Variants in CSMD1 observed in about 807,000 individuals in gnomAD.
CSMD1 encodes the protein CUB and sushi domain-containing protein 1.
Under a neutral mutation model 417.5 loss-of-function variants are expected in CSMD1, and 213 were observed. The ratio of observed to expected loss-of-function variants is 0.51; its 90% CI spans 0.46 to 0.57. CSMD1 has a LOEUF of 0.57. CSMD1 is among the 20% of genes least tolerant of loss of function. The pLI, the probability that CSMD1 is intolerant of heterozygous loss-of-function variation, is 0.00. For synonymous variants in CSMD1, 2,862 were observed against 1,736.8 expected, an observed-to-expected ratio of 1.65 and a Z score of -16.11; for missense variants, 6,923 against 4,529.7, an observed-to-expected ratio of 1.53 and a Z score of -15.17.
chr8:3,953,398 C>T (rs966870163), intron 5 of CSMD1, among the ~76,000 whole-genome samples: 1 of 152,052 alleles, frequency 6.6e-6, no homozygotes, highest in Non-Finnish European at 1.5e-5. Context: ...CTTAGATATT[C>T]ATGTGTAATG....
chr8:3,775,220 C>A (rs76720866), intron 5 of CSMD1, among the ~76,000 whole-genome samples: 4,713 of 152,192 alleles, frequency 0.031, 111 homozygotes, highest in Middle Eastern at 0.054. Flanking sequence ...TTAGATAAAA[C>A]TTTGCAAAAC....
At chr8:3,393,800 G>A (rs1811495098) in intron 17 of CSMD1, among the ~76,000 whole-genome samples, 1 of 151,200 alleles carries the variant, frequency 6.6e-6, no homozygotes, top group Admixed American at 6.6e-5. Context: ...GAGAACACAT[G>A]GACACAGGAA....
At chr8:4,755,712 C>G (rs140857757) in intron 1 of CSMD1, among the ~76,000 whole-genome samples, 1 of 152,192 alleles carries the variant, frequency 6.6e-6, no homozygotes, top group African/African-American at 2.4e-5. Flanking sequence ...AATTTTGAAT[C>G]TTGCTTCCGT....
At chr8:3,182,649 G>A (rs1353984594) in intron 36 of CSMD1, among the ~76,000 whole-genome samples, 1 of 70,426 alleles carries the variant, frequency 1.4e-5, no homozygotes, top group African/African-American at 4.4e-5. Flanking sequence ...TAGTAGAGAA[G>A]GGGGACTCTG....
rs1334958887 is a variant in CSMD1 at position 3,319,911 on chromosome 8, CTT to C, written c.3632-11410_3632-11409del. On this transcript the variant is annotated intron_variant, in intron 23 of 69. Coordinates refer to ENST00000635120, the MANE Select transcript of CSMD1 (RefSeq NM_033225.6). ...TCAAATTGATGACTCATTAAAAAAA[CTT>C]TTATTTTAATGGAGAAATAGCAGCT... is the stretch of plus-strand genomic sequence containing the variant. Among the ~76,000 whole-genome samples, 37 of 152,132 alleles carry C rather than the reference CTT, an allele frequency of 2.4e-4. 1 individual carries two copies. In the South Asian group the frequency reaches 5.0e-3, roughly 20 times the overall value.
intron 1 of CSMD1, among the ~76,000 whole-genome samples, chr8:4,839,144 G>T (rs373940867): frequency 2.6e-5 from 4 of 152,048 alleles, no homozygotes; most frequent in African/African-American, 9.7e-5. Context: ...GCTGTGTGTC[G>T]TAACTAAAAC....
intron 33 of CSMD1, among the ~76,000 whole-genome samples, chr8:3,197,584 G>C (rs577713980): frequency 1.3e-5 from 2 of 150,744 alleles, no homozygotes; most frequent in African/African-American, 4.9e-5. Context: ...TCCTGCCTCA[G>C]CCTCCCGAGT....
At chr8:2,993,540 G>C (rs1806597484) in intron 54 of CSMD1, among the ~76,000 whole-genome samples, 1 of 152,158 alleles carries the variant, frequency 6.6e-6, no homozygotes, top group Non-Finnish European at 1.5e-5. Flanking sequence ...TATTTTTTAG[G>C]AAGTCGGCTT....
At chr8:4,421,935 G>A (rs893827715) in intron 2 of CSMD1, among the ~76,000 whole-genome samples, 1 of 151,930 alleles carries the variant, frequency 6.6e-6, no homozygotes, top group Non-Finnish European at 1.5e-5. Flanking sequence ...GTTTCAGAAG[G>A]TACAAAGAGT....
chr8:4,772,054 A>G (rs1023882301), intron 1 of CSMD1, among the ~76,000 whole-genome samples: 5 of 152,154 alleles, frequency 3.3e-5, no homozygotes, highest in Non-Finnish European at 5.9e-5. Flanking sequence ...CTGGGCTAAA[A>G]CCAGGTATCG....
At chr8:3,706,506 C>A (rs1297179194) in intron 7 of CSMD1, among the ~76,000 whole-genome samples, 2 of 152,112 alleles carry the variant, frequency 1.3e-5, no homozygotes, top group African/African-American at 2.4e-5. Context: ...TACTTTAATA[C>A]CGTTAAAAGA....
intron 1 of CSMD1, among the ~76,000 whole-genome samples, chr8:4,794,741 G>C (rs919315682): frequency 6.6e-6 from 1 of 152,190 alleles, no homozygotes; most frequent in Non-Finnish European, 1.5e-5. Context: ...GCTCTGAACA[G>C]ATTATTGAGC....
At chr8:4,329,595 A>C (rs573422465) in intron 3 of CSMD1, among the ~76,000 whole-genome samples, 1 of 152,110 alleles carries the variant, frequency 6.6e-6, no homozygotes, top group Non-Finnish European at 1.5e-5. Flanking sequence ...GCCAAAAAAT[A>C]CTTATTTTTC....
At chr8:4,169,425 C>T (rs1483114880) in intron 3 of CSMD1, among the ~76,000 whole-genome samples, 1 of 152,090 alleles carries the variant, frequency 6.6e-6, no homozygotes, top group Non-Finnish European at 1.5e-5. Context: ...TTCTCACATC[C>T]CACCTTTAAT....
At chr8:3,143,336 T>C (rs1430523565) in intron 40 of CSMD1, among the ~76,000 whole-genome samples, 1 of 152,182 alleles carries the variant, frequency 6.6e-6, no homozygotes, top group African/African-American at 2.4e-5. Context: ...TTGATGTTTG[T>C]GAGAAACCCA....
chr8:4,509,563 A>C (rs1802708105), intron 2 of CSMD1, among the ~76,000 whole-genome samples: 1 of 152,214 alleles, frequency 6.6e-6, no homozygotes, highest in African/African-American at 2.4e-5. Context: ...GATGCTGGTC[A>C]GGAAAGCCAG....
chr8:3,565,304 A>G (rs13250655), intron 10 of CSMD1, among the ~76,000 whole-genome samples: 59,226 of 151,482 alleles, frequency 0.39, 11,869 homozygotes, highest in Middle Eastern at 0.49. Flanking sequence ...TCCTTTCCCC[A>G]GTGGCATGGG....
At chr8:3,702,434 T>G (rs930964962) in intron 7 of CSMD1, among the ~76,000 whole-genome samples, 19 of 152,238 alleles carry the variant, frequency 1.2e-4, no homozygotes, top group African/African-American at 4.6e-4. Flanking sequence ...ACAGATTATC[T>G]ACTTTAGTAA....
At chr8:3,282,006 C>T (rs535263767) in intron 26 of CSMD1, among the ~76,000 whole-genome samples, 1 of 152,266 alleles carries the variant, frequency 6.6e-6, no homozygotes, top group East Asian at 1.9e-4. Context: ...TGACTGCTTC[C>T]CCTTTACCTT....
Sources: allele counts gnomAD v4.1 joint callset (sites outside exome capture counted in the v4.1 genomes callset), GRCh38; gene constraint gnomAD v4.1.1; transcripts MANE v1.5; gene names NCBI Gene and HGNC (gene_info 2026-07-23, HGNC 2026-07-21).